Variants in NLGN1 observed in about 807,000 individuals in gnomAD.
NLGN1 encodes the protein neuroligin-1.
NLGN1 carries 12 observed loss-of-function variants against 65.5 expected under a neutral mutation model. The observed-to-expected ratio is 0.18, with a 90% CI of 0.12 to 0.30. The LOEUF is 0.30. Ranked by LOEUF, NLGN1 falls within the 10% of genes least tolerant of loss-of-function variation. NLGN1 has a pLI of 1.00. For missense variants in NLGN1, 750 were observed against 1,007.1 expected (o/e 0.74, Z 3.46); for synonymous variants, 350 against 359.5 (o/e 0.97, Z 0.30).
intron 3 of NLGN1, among the ~76,000 whole-genome samples, chr3:173,759,072 C>A (rs952561648): frequency 1.3e-5 from 2 of 151,812 alleles, no homozygotes; most frequent in Admixed American, 1.3e-4. Flanking sequence ...ATTTTCTTCC[C>A]CCTTTCTCAC....
At chr3:173,973,743 A>G (rs933780863) in intron 4 of NLGN1, among the ~76,000 whole-genome samples, 3 of 152,070 alleles carry the variant, frequency 2.0e-5, no homozygotes, top group Admixed American at 2.0e-4. Context: ...ATTATCAAGT[A>G]TTTAATGATA....
intron 1 of NLGN1, among the ~76,000 whole-genome samples, chr3:173,419,045 T>TTTTTTTTTTTTTC: frequency 8.5e-6 from 1 of 117,304 alleles, no homozygotes; most frequent in Non-Finnish European, 1.8e-5. Context: ...TTTTTTTTTT[T>TTTTTTTTTTTTTC]TTTTTTTTTG....
At chr3:173,442,824 C>G (rs1233461653) in intron 2 of NLGN1, among the ~76,000 whole-genome samples, 1 of 152,010 alleles carries the variant, frequency 6.6e-6, no homozygotes, top group African/African-American at 2.4e-5. Context: ...ATAAATCTTT[C>G]AAAATTTATA....
intron 2 of NLGN1, among the ~76,000 whole-genome samples, chr3:173,500,923 G>A (rs1560346737): frequency 6.6e-6 from 1 of 151,836 alleles, no homozygotes; most frequent in Admixed American, 6.6e-5. Context: ...ATTAGGAAGG[G>A]AACCAGGTAT....
At chr3:174,197,636 G>A (rs1733714344) in intron 4 of NLGN1, among the ~76,000 whole-genome samples, 1 of 151,648 alleles carries the variant, frequency 6.6e-6, no homozygotes, top group Non-Finnish European at 1.5e-5. Context: ...GTTCAATGAG[G>A]ACAATACTTT....
At chr3:173,946,392 A>G (rs1227591497) in intron 4 of NLGN1, among the ~76,000 whole-genome samples, 1 of 152,146 alleles carries the variant, frequency 6.6e-6, no homozygotes, top group Non-Finnish European at 1.5e-5. Context: ...TTATTTTTGT[A>G]GCATGTATTT....
intron 3 of NLGN1, among the ~76,000 whole-genome samples, chr3:173,781,486 G>A (rs1464445310): frequency 6.6e-6 from 1 of 152,084 alleles, no homozygotes; most frequent in East Asian, 1.9e-4. Flanking sequence ...TCTTTGATGG[G>A]CATTGTAGTT....
At chr3:174,224,362 A>G (rs558070339) in intron 4 of NLGN1, among the ~76,000 whole-genome samples, 1 of 152,336 alleles carries the variant, frequency 6.6e-6, no homozygotes, top group East Asian at 1.9e-4. Context: ...TGACATGGGA[A>G]TCAAAAAGAA....
chr3:173,696,570 G>A (rs115027792), intron 3 of NLGN1, among the ~76,000 whole-genome samples: 4,799 of 152,212 alleles, frequency 0.032, 111 homozygotes, highest in Middle Eastern at 0.048. Flanking sequence ...GGTAAGCATC[G>A]TTGAGGAAGG....
intron 4 of NLGN1, among the ~76,000 whole-genome samples, chr3:174,038,875 G>C (rs1731680757): frequency 6.6e-6 from 1 of 152,112 alleles, no homozygotes; most frequent in Non-Finnish European, 1.5e-5. Context: ...GAAGAACTAA[G>C]AAAATGTACT....
intron 4 of NLGN1, among the ~76,000 whole-genome samples, chr3:173,898,200 A>G (rs149197316): frequency 5.9e-5 from 9 of 152,334 alleles, no homozygotes; most frequent in African/African-American, 1.4e-4. Context: ...TTTAAATTCA[A>G]TGTTTTTGCA....
intron 3 of NLGN1, among the ~76,000 whole-genome samples, chr3:173,694,565 T>A (rs1482716716): frequency 6.6e-6 from 1 of 152,174 alleles, no homozygotes; most frequent in Non-Finnish European, 1.5e-5. Context: ...TGTTTGTTTG[T>A]CAGAATGTAC....
At chr3:174,158,114 C>G (rs1012471174) in intron 4 of NLGN1, among the ~76,000 whole-genome samples, 4 of 151,702 alleles carry the variant, frequency 2.6e-5, no homozygotes, top group Non-Finnish European at 2.9e-5. Context: ...GACGAAAGAA[C>G]AGCAGTATGC....
chr3:173,491,388 G>A (rs1460150564), intron 2 of NLGN1, among the ~76,000 whole-genome samples: 1 of 151,700 alleles, frequency 6.6e-6, no homozygotes, highest in Non-Finnish European at 1.5e-5. Context: ...TTTATACGCT[G>A]GATTATGTTT....
intron 2 of NLGN1, among the ~76,000 whole-genome samples, chr3:173,454,079 C>T (rs1722104257): frequency 6.6e-6 from 1 of 152,176 alleles, no homozygotes; most frequent in African/African-American, 2.4e-5. Flanking sequence ...TGTATATCTC[C>T]ATCAGAGCTC....
At chr3:174,103,694 CAT>C (rs372197460) in intron 4 of NLGN1, among the ~76,000 whole-genome samples, 2 of 152,056 alleles carry the variant, frequency 1.3e-5, no homozygotes, top group South Asian at 2.1e-4. Flanking sequence ...TTGTACAAAA[CAT>C]AAAGATATTA....
intron 3 of NLGN1, among the ~76,000 whole-genome samples, chr3:173,640,783 C>T (rs1043931841): frequency 6.6e-6 from 1 of 152,046 alleles, no homozygotes; most frequent in Non-Finnish European, 1.5e-5. Flanking sequence ...CAAGTCCAAA[C>T]GTTGCTTACA....
intron 2 of NLGN1, among the ~76,000 whole-genome samples, chr3:173,489,490 A>G (rs1314087323): frequency 2.6e-5 from 4 of 151,956 alleles, no homozygotes; most frequent in South Asian, 2.1e-4. Flanking sequence ...ATCATTGTTG[A>G]ACATTTGGGT....
chr3:174,074,691 A>G (rs1263860239), intron 4 of NLGN1, among the ~76,000 whole-genome samples: 1 of 152,222 alleles, frequency 6.6e-6, no homozygotes, highest in African/African-American at 2.4e-5. Flanking sequence ...ACATTGATAT[A>G]AGTTTCTGAG....
Sources: allele counts gnomAD v4.1 joint callset (sites outside exome capture counted in the v4.1 genomes callset), GRCh38; gene constraint gnomAD v4.1.1; transcripts MANE v1.5; gene names NCBI Gene and HGNC (gene_info 2026-07-23, HGNC 2026-07-21).